STAG1: variants seen among roughly 807,000 people sequenced by gnomAD.
The protein encoded by STAG1 is STAG1 cohesin complex component.
STAG1 carries 26 observed loss-of-function variants against 170.9 expected under a neutral mutation model. That is an observed-to-expected ratio of 0.15 (90% CI 0.11 to 0.21). The LOEUF is 0.21. STAG1 is among the 10% of genes least tolerant of loss of function. The probability of loss-of-function intolerance (pLI) is 1.00; values close to 1 mark genes in which losing one functional copy is unlikely to be tolerated. For missense variants in STAG1, 964 were observed against 1,509.5 expected, an observed-to-expected ratio of 0.64 and a Z score of 5.99; for synonymous variants, 514 against 497.7, an observed-to-expected ratio of 1.03 and a Z score of -0.44.
chr3:136,340,581 A>T lies in STAG1; in HGVS notation c.3582T>A (p.Ala1194=). The T allele has an allele frequency of 6.2e-7, 1 of 1,613,334 alleles. No individual in the cohort carries two copies. The highest frequency in any genetic ancestry group is 8.5e-7 in the Non-Finnish European group (1 of 1,179,226). The part of the protein sequence containing the change: ...HAVRGLMEED[A]EPIFEDVMMS... ...TCATCACATCTTCAAAGATGGGCTCAGCATCTTCCTCCATTAGACCCCGAC... is the reference window on the plus strand; with the variant it reads ...TCATCACATCTTCAAAGATGGGCTCTGCATCTTCCTCCATTAGACCCCGAC... Residue 1194 remains alanine (A), a synonymous_variant, in exon 32 of 34, where the codon GCT becomes GCA. Transcript: ENST00000383202.
At position 136,338,147 on chromosome 3, in the gene STAG1, ACAAAT is replaced by A. The variant is rs1222755339; in HGVS notation, c.*102_*106del. On this transcript the variant is annotated 3_prime_UTR_variant, in exon 34 of 34. Coordinates refer to ENST00000383202, the MANE Select transcript of STAG1 (RefSeq NM_005862.3). ...TTGACCTTAATCATTTGATTAAAAA[ACAAAT>A]CAGATCACATCAAAAGTGTTTTTCC... 21 of 750,904 alleles carry A rather than the reference ACAAAT, an allele frequency of 2.8e-5. No homozygotes were observed. In the African/African-American group the frequency reaches 3.2e-4, roughly 11 times the overall value. The allele number at this position is 750,904 out of a possible 1,614,324, so 46.5% of individuals were successfully genotyped here.
At chr3:136,496,359 T>G (rs1424977295) in intron 9 of STAG1, among the ~76,000 whole-genome samples, 3 of 151,788 alleles carry the variant, frequency 2.0e-5, no homozygotes, top group Non-Finnish European at 4.4e-5. Context: ...GATCTATAGG[T>G]ATCTATAGGT....
chr3:136,426,549 G>C (rs1409913832), intron 16 of STAG1, among the ~76,000 whole-genome samples: 1 of 152,154 alleles, frequency 6.6e-6, no homozygotes, highest in Non-Finnish European at 1.5e-5. Context: ...AAATATATAT[G>C]AATCTATTGT....
chr3:136,565,097 G>GGAAAGA (rs1937024420), intron 5 of STAG1, among the ~76,000 whole-genome samples: 1 of 76,580 alleles, frequency 1.3e-5, no homozygotes, highest in Non-Finnish European at 2.8e-5. Context: ...AGGGAGGAAA[G>GGAAAGA]GAAAGAGAAA....
At chr3:136,699,705 C>G (rs1413090955) in intron 1 of STAG1, among the ~76,000 whole-genome samples, 2 of 151,864 alleles carry the variant, frequency 1.3e-5, no homozygotes, top group African/African-American at 2.4e-5. Flanking sequence ...GCTCTCACTT[C>G]GAAGTGGGAG....
intron 5 of STAG1, among the ~76,000 whole-genome samples, chr3:136,563,778 T>C (rs983160807): frequency 6.6e-6 from 1 of 152,038 alleles, no homozygotes; most frequent in Non-Finnish European, 1.5e-5. Flanking sequence ...CCCAGCACTT[T>C]AGGAGGCCAA....
chr3:136,475,334 A>G (rs970350380), intron 10 of STAG1, among the ~76,000 whole-genome samples: 1 of 151,660 alleles, frequency 6.6e-6, no homozygotes, highest in African/African-American at 2.4e-5. Flanking sequence ...TTTAGTAGAG[A>G]CAGGGTTTTG....
chr3:136,702,088 A>T (rs1208868929), intron 1 of STAG1, among the ~76,000 whole-genome samples: 1 of 92,846 alleles, frequency 1.1e-5, no homozygotes, highest in African/African-American at 5.8e-5. Flanking sequence ...AGAGAGAGAG[A>T]GAGAGAGAGA....
intron 2 of STAG1, 146 bp from the exon 3 acceptor site, chr3:136,623,394 G>A: frequency 1.8e-6 from 1 of 561,636 alleles, no homozygotes; most frequent in Admixed American, 3.8e-5. Flanking sequence ...AACTAAAAAT[G>A]TTATCCTCCC....
intron 1 of STAG1, among the ~76,000 whole-genome samples, chr3:136,750,935 A>G (rs577085494): frequency 2.8e-4 from 42 of 152,364 alleles, no homozygotes; most frequent in African/African-American, 9.1e-4. Flanking sequence ...TATTTCCCTA[A>G]GTGCTTCACC....
At chr3:136,597,233 T>G (rs1296330883) in intron 4 of STAG1, among the ~76,000 whole-genome samples, 6 of 152,198 alleles carry the variant, frequency 3.9e-5, no homozygotes, top group Non-Finnish European at 7.3e-5. Context: ...GTAAAAAAAC[T>G]GTATCCAGAG....
At chr3:136,555,363 C>G (rs988267691) in intron 5 of STAG1, among the ~76,000 whole-genome samples, 3 of 151,096 alleles carry the variant, frequency 2.0e-5, no homozygotes, top group Non-Finnish European at 2.9e-5. Flanking sequence ...TAATAAAATA[C>G]CTCAATAGTG....
chr3:136,450,929 A>C lies in STAG1; in HGVS notation c.1428+1104T>G, dbSNP rs1418727669. Among the ~76,000 whole-genome samples the C allele has an allele frequency of 2.0e-5, 3 of 151,996 alleles. No individual in the cohort carries two copies. In the East Asian group the frequency reaches 5.8e-4, roughly 29 times the overall value. On this transcript the variant is annotated intron_variant, in intron 14 of 33. Transcript: ENST00000383202. ...GCTCAGCTAATTTTTTTCTATTTTTAGTAGAGACGGACTTTTGCTATATTA... is the reference window on the plus strand; with the variant it reads ...GCTCAGCTAATTTTTTTCTATTTTTCGTAGAGACGGACTTTTGCTATATTA...
intron 1 of STAG1, among the ~76,000 whole-genome samples, chr3:136,750,435 C>G (rs1935171433): frequency 6.6e-6 from 1 of 152,194 alleles, no homozygotes; most frequent in Non-Finnish European, 1.5e-5. Context: ...ACCATAGTGC[C>G]TTTAAGGCTT....
At chr3:136,592,611 C>T (rs35147583) in intron 4 of STAG1, among the ~76,000 whole-genome samples, 1 of 152,168 alleles carries the variant, frequency 6.6e-6, no homozygotes, top group East Asian at 1.9e-4. Flanking sequence ...CAACTTTCTC[C>T]TGATGGTGAC....
chr3:136,729,919 C>T (rs1483167046), intron 1 of STAG1, among the ~76,000 whole-genome samples: 21 of 111,482 alleles, frequency 1.9e-4, no homozygotes, highest in African/African-American at 6.4e-4. Flanking sequence ...GACAGAGTCT[C>T]GCTCTGTTGC....
At chr3:136,652,948 G>A (rs766851199) in intron 1 of STAG1, among the ~76,000 whole-genome samples, 3 of 152,016 alleles carry the variant, frequency 2.0e-5, no homozygotes, top group South Asian at 2.1e-4. Context: ...AATGTCCCAC[G>A]GAGGAAATAA....
At chr3:136,575,400 T>G (rs1937417387) in intron 4 of STAG1, among the ~76,000 whole-genome samples, 1 of 152,172 alleles carries the variant, frequency 6.6e-6, no homozygotes, top group African/African-American at 2.4e-5. Flanking sequence ...AATTTTTGTA[T>G]TTTTGGTAGA....
intron 4 of STAG1, among the ~76,000 whole-genome samples, chr3:136,597,890 A>G (rs1376350532): frequency 6.6e-6 from 1 of 152,144 alleles, no homozygotes; most frequent in East Asian, 1.9e-4. Context: ...GTTATTTAAA[A>G]ATGACATAAT....
Sources: gnomAD v4.1 joint callset for allele counts (sites outside exome capture counted in the v4.1 genomes callset) on GRCh38, gnomAD v4.1.1 for gene constraint, MANE v1.5 for transcripts, NCBI Gene and HGNC (gene_info 2026-07-23, HGNC 2026-07-21) for gene names.